The following C8orf76 variants were observed in gnomAD, a reference collection of about 807,000 sequenced individuals.
The protein encoded by C8orf76 is chromosome 8 open reading frame 76, also known as uncharacterized protein C8orf76.
C8orf76 carries 46 observed loss-of-function variants against 38.1 expected under a neutral mutation model. That is an observed-to-expected ratio of 1.21 (90% CI 0.95 to 1.54). The LOEUF (loss-of-function observed/expected upper bound fraction) is 1.54, where lower values mean the gene tolerates loss of function less well. Ranked by LOEUF, C8orf76 falls within the 40% of genes most tolerant of loss-of-function variation. The probability of loss-of-function intolerance (pLI) is 0.00; values close to 1 mark genes in which losing one functional copy is unlikely to be tolerated. For missense variants in C8orf76, 461 were observed against 441.6 expected (o/e 1.04, Z -0.39); for synonymous variants, 166 against 167.5 (o/e 0.99, Z 0.07).
At chr8:123,220,504 T>G (rs535931845) in intron 5 of C8orf76, among the ~76,000 whole-genome samples, 4 of 152,198 alleles carry the variant, frequency 2.6e-5, no homozygotes, top group Non-Finnish European at 5.9e-5. Flanking sequence ...TTATCTGATC[T>G]CAGAAGTAGT....
intron 4 of C8orf76, among the ~76,000 whole-genome samples, chr8:123,230,674 C>T (rs1449833005): frequency 2.7e-5 from 4 of 148,876 alleles, no homozygotes; most frequent in South Asian, 2.1e-4. Flanking sequence ...TTTTTTGAGA[C>T]GGAGTCTTGC....
At chr8:123,227,908 C>T (rs1428902526) in intron 4 of C8orf76, among the ~76,000 whole-genome samples, 3 of 152,134 alleles carry the variant, frequency 2.0e-5, no homozygotes, top group African/African-American at 7.2e-5. Context: ...ATCACCTACC[C>T]GGCCTCGGGA....
Position 123,241,270 on chromosome 8 carries a change from C to G in C8orf76, c.77G>C (p.Gly26Ala), listed in dbSNP as rs1331463211. 6.3e-7 allele frequency: 1 copy of G among 1,586,104 alleles called. No homozygotes were observed. The highest frequency in any genetic ancestry group is 1.4e-5 in the African/African-American group (1 of 71,792). ...VFEERPERRS[G>A]PPASYCAKLC... Reference sequence around the variant, plus strand: ...CTTGGCGCAGTAGGACGCGGGCGGTCCTGACCGCCGCTCCGGCCTCTCCTC... The same window carrying G: ...CTTGGCGCAGTAGGACGCGGGCGGTGCTGACCGCCGCTCCGGCCTCTCCTC... The change falls in exon 1 of 6, where the codon GGA becomes GCA. Residue 26 changes from glycine (G) to alanine (A), a missense_variant. Coordinates refer to ENST00000276704, the MANE Select transcript of C8orf76 (RefSeq NM_032847.3).
intron 5 of C8orf76, among the ~76,000 whole-genome samples, chr8:123,220,923 C>T (rs761724330): frequency 2.0e-5 from 3 of 152,146 alleles, no homozygotes; most frequent in Non-Finnish European, 4.4e-5. Flanking sequence ...AGCAGACTGA[C>T]CTTGGGTAAT....
intron 3 of C8orf76, among the ~76,000 whole-genome samples, chr8:123,232,666 G>A (rs940133888): frequency 6.6e-5 from 10 of 152,150 alleles, no homozygotes; most frequent in African/African-American, 1.7e-4. Context: ...GAAGGCCTGC[G>A]GGCAGCTCTA....
At position 123,241,229 on chromosome 8, in the gene C8orf76, C is replaced by T. The variant is rs916597775; in HGVS notation, c.117+1G>A. 8.2e-6 allele frequency: 13 copies of T among 1,585,626 alleles called. No homozygotes were observed. The African/African-American group carries it at 1.7e-4, about 20-fold the overall frequency. On this transcript the variant is annotated splice_donor_variant, in intron 1 of 5. Transcript: ENST00000276704. LOFTEE classifies it high-confidence loss of function. ...AAGGCGAAGAGGCCCCAGCTTCTCA[C>T]CTGCGGCTCGCAGAGCTTGGCGCAG...
chr8:123,226,372 G>A, intron 5 of C8orf76, 128 bp downstream of exon 5: 1 of 1,500,814 alleles, frequency 6.7e-7, no homozygotes, highest in East Asian at 2.5e-5. Context: ...GTGATCAAAA[G>A]GCACACAGAG....
Position 123,231,743 on chromosome 8 carries a change from G to A in C8orf76, c.372C>T (p.Thr124=). 6.3e-7 allele frequency: 1 copy of A among 1,580,132 alleles called. No individual in the cohort carries two copies. The highest frequency in any genetic ancestry group is 1.2e-5 in the South Asian group (1 of 86,050). ...GTACCGTGGTTAAATGGTCTGTGTTGGTTGCTTTATTTTCCTAAGGAGAAA... is the reference window on the plus strand; with the variant it reads ...GTACCGTGGTTAAATGGTCTGTGTTAGTTGCTTTATTTTCCTAAGGAGAAA... ...EIAANLENKA[T]NTDHLTTVLY... is the part of the protein sequence containing the mutation. Residue 124 remains threonine, a synonymous_variant, in exon 4 of 6, where the codon ACC becomes ACT. Coordinates refer to ENST00000276704, the MANE Select transcript of C8orf76 (RefSeq NM_032847.3).
intron 3 of C8orf76, 115 bp downstream of exon 3, chr8:123,237,683 T>C: frequency 7.3e-7 from 1 of 1,366,586 alleles, no homozygotes; most frequent in Non-Finnish European, 9.5e-7. Flanking sequence ...TTTCTTCTGC[T>C]TATCCAAACC....
At chr8:123,233,813 G>A (rs1340991227) in intron 3 of C8orf76, among the ~76,000 whole-genome samples, 1 of 152,024 alleles carries the variant, frequency 6.6e-6, no homozygotes, top group Non-Finnish European at 1.5e-5. Flanking sequence ...CGGATCATGA[G>A]TTCAGGAGAT....
chr8:123,222,003 C>CG (rs1385592646), intron 5 of C8orf76, among the ~76,000 whole-genome samples: 121 of 151,680 alleles, frequency 8.0e-4, no homozygotes, highest in Non-Finnish European at 1.5e-3. Context: ...TTTTGGGGGG[C>CG]GGGGGGTCAG....
chr8:123,239,109 A>G lies in C8orf76; in HGVS notation c.153T>C (p.Val51=). ...TGAATTTCTTGAGAGTCAGCACTTC[A>G]ACATCATCACTGCTTTCTGTTTCTT... ...FYEETESSDD[V]EVLTLKKFKG... The change falls in exon 2 of 6, where the codon GTT becomes GTC. Residue 51 remains valine (V), a synonymous_variant. Coordinates refer to ENST00000276704, the MANE Select transcript of C8orf76 (RefSeq NM_032847.3). 1 of 1,614,184 alleles carries G rather than the reference A, an allele frequency of 6.2e-7. No homozygotes were observed. The highest frequency in any genetic ancestry group is 8.5e-7 in the Non-Finnish European group (1 of 1,180,024).
chr8:123,239,347 G>A (rs982650773), intron 1 of C8orf76: 3 of 498,446 alleles, frequency 6.0e-6, no homozygotes, highest in Middle Eastern at 5.5e-4. Flanking sequence ...TTACAGGTGT[G>A]AGCCACCGCA....
At chr8:123,236,958 G>C in intron 3 of C8orf76, 1 of 1,547,822 alleles carries the variant, frequency 6.5e-7, no homozygotes, top group Non-Finnish European at 8.9e-7. Context: ...GACCAGCAGC[G>C]TCTGATACTT....
At chr8:123,226,152 G>A (rs1440065652) in intron 5 of C8orf76, 16 of 1,081,476 alleles carry the variant, frequency 1.5e-5, no homozygotes, top group African/African-American at 1.7e-5. Flanking sequence ...AAGCTGTTAT[G>A]ATGAATGGAG....
chr8:123,228,296 A>C (rs1386511366), intron 4 of C8orf76, among the ~76,000 whole-genome samples: 3 of 151,976 alleles, frequency 2.0e-5, no homozygotes, highest in Non-Finnish European at 1.5e-5. Context: ...CCTCCTTCTA[A>C]TCCAGCATCG....
chr8:123,221,269 T>C (rs1297608121), intron 5 of C8orf76, among the ~76,000 whole-genome samples: 1 of 152,188 alleles, frequency 6.6e-6, no homozygotes, highest in Non-Finnish European at 1.5e-5. Flanking sequence ...TAAGATACTT[T>C]TTTGTTTTTG....
rs149988027 is a variant in C8orf76, at chr8:123,231,558, G to A, written c.557C>T (p.Ala186Val). The change falls in exon 4 of 6, where the codon GCG (alanine) becomes GTG (valine). Residue 186 changes from alanine to valine, a missense_variant. Transcript: ENST00000276704. ...GAAACTGTGCTGTTTCTGAGATGAC[G>A]CAAGTGCTGCTGAAAGAGCTGGCCC... ...NLGPALSAAL[A>V]SSQKQHSFTS... 25 of 1,614,196 alleles carry A rather than the reference G, an allele frequency of 1.5e-5. No individual in the cohort carries two copies. Among genetic ancestry groups the A allele is most frequent in the East Asian group, 2.2e-5 (1 of 44,884 alleles).
In C8orf76 at chr8:123,241,306, T is replaced by C; in HGVS notation, c.41A>G (p.Asp14Gly). 6.4e-7 allele frequency: 1 copy of C among 1,572,250 alleles called. No homozygotes were observed. The highest frequency in any genetic ancestry group is 2.5e-5 in the East Asian group (1 of 40,550). The stretch of plus-strand genomic sequence containing the variant: ...CTCCGGCCTCTCCTCGAACACCGAG[T>C]CCTCGAACTCGCCGCCGAACAACCA... ...GCWLFGGEFE[D>G]SVFEERPERR... The change falls in exon 1 of 6, where the codon GAC becomes GGC. Residue 14 changes from aspartate to glycine, a missense_variant. Physicochemically the swap from Asp to Gly is moderately conservative, Grantham distance 94 (BLOSUM62 -1). Coordinates refer to ENST00000276704, the MANE Select transcript of C8orf76 (RefSeq NM_032847.3).
Sources: gnomAD v4.1 joint callset for allele counts (sites outside exome capture counted in the v4.1 genomes callset) on GRCh38, gnomAD v4.1.1 for gene constraint, MANE v1.5 for transcripts, NCBI Gene and HGNC (gene_info 2026-07-23, HGNC 2026-07-21) for gene names.